TOM1L1: variants seen among roughly 807,000 people sequenced by gnomAD.
TOM1L1 encodes the protein TOM1-like protein 1.
In TOM1L1, 64 loss-of-function variants were observed where a neutral mutation model predicts 63.4. The observed-to-expected ratio is 1.01, with a 90% CI of 0.83 to 1.24. TOM1L1 has a LOEUF of 1.24. TOM1L1 is among the 50% of genes most tolerant of loss of function. TOM1L1 has a pLI of 0.00. For missense variants in TOM1L1, 536 were observed against 567.0 expected, an observed-to-expected ratio of 0.95 and a Z score of 0.55; for synonymous variants, 166 against 194.4, an observed-to-expected ratio of 0.85 and a Z score of 1.22.
intron 11 of TOM1L1, among the ~76,000 whole-genome samples, chr17:54,939,513 T>C (rs1175595419): frequency 1.3e-5 from 2 of 152,132 alleles, no homozygotes; most frequent in African/African-American, 4.8e-5. Flanking sequence ...TGGCAGGCAC[T>C]CAGTTAAGCT....
Position 54,949,490 on chromosome 17 carries a change from A to G in TOM1L1, c.1183-28A>G, listed in dbSNP as rs375792635. 7.2e-5 allele frequency: 112 copies of G among 1,546,996 alleles called. 1 individual carries two copies. The highest frequency in any genetic ancestry group is 9.6e-5 in the Non-Finnish European group (108 of 1,119,226). On this transcript the variant is annotated intron_variant, in intron 12 of 15. Coordinates refer to ENST00000575882, the MANE Select transcript of TOM1L1 (RefSeq NM_005486.3). ...AAGAAAAGCTTAATGTAGAACGTTT[A>G]TATGAACATGTGTTATGCTTTCTTC... is the stretch of plus-strand genomic sequence containing the variant.
chr17:54,956,134 A>G (rs957186921), intron 14 of TOM1L1, among the ~76,000 whole-genome samples: 1 of 152,214 alleles, frequency 6.6e-6, no homozygotes, highest in Non-Finnish European at 1.5e-5. Context: ...ACAACTCTCC[A>G]TGAGAACACA....
chr17:54,941,105 G>T (rs1417551800), intron 11 of TOM1L1, among the ~76,000 whole-genome samples: 1 of 151,834 alleles, frequency 6.6e-6, no homozygotes, highest in Non-Finnish European at 1.5e-5. Context: ...GTGTCTTTAG[G>T]CAAATAGGAA....
At chr17:54,952,143 A>C (rs568146879) in intron 14 of TOM1L1, 25 of 152,314 alleles carry the variant, frequency 1.6e-4, no homozygotes, top group African/African-American at 5.8e-4. Flanking sequence ...GAAGAGGTTA[A>C]AGATGCAGGG....
At chr17:54,901,011 G>C (rs934812537) in intron 1 of TOM1L1, 88 bp downstream of exon 1, 37 of 1,562,652 alleles carry the variant, frequency 2.4e-5, no homozygotes, top group Non-Finnish European at 3.1e-5. Context: ...GCAGAGGACG[G>C]AGTTAGTCCA....
At chr17:54,951,431 G>A (rs1355727333) in intron 14 of TOM1L1, among the ~76,000 whole-genome samples, 6 of 152,170 alleles carry the variant, frequency 3.9e-5, no homozygotes, top group Admixed American at 3.9e-4. Context: ...TATAGGGCAG[G>A]ACCCTCTCTA....
chr17:54,939,106 A>G, intron 11 of TOM1L1, 86 bp downstream of exon 11: 1 of 924,004 alleles, frequency 1.1e-6, no homozygotes, highest in Non-Finnish European at 1.6e-6. Flanking sequence ...GGGCGCAGTG[A>G]CTTACATCTG....
At chr17:54,938,427 G>C (rs1433461173) in intron 10 of TOM1L1, 2 of 151,314 alleles carry the variant, frequency 1.3e-5, no homozygotes, top group African/African-American at 2.4e-5. Flanking sequence ...TCAGGAGGTG[G>C]AGGTTGTGGT....
chr17:54,915,020 A>G (rs1425513426), intron 6 of TOM1L1, among the ~76,000 whole-genome samples: 1 of 152,124 alleles, frequency 6.6e-6, no homozygotes, highest in Admixed American at 6.5e-5. Context: ...TGTGGACTGG[A>G]TCTAGGGTCC....
At position 54,947,492 on chromosome 17, in the gene TOM1L1, T is replaced by C. The variant is rs74675541; in HGVS notation, c.1182+180T>C. On this transcript the variant is annotated intron_variant, in intron 12 of 15. Transcript: ENST00000575882. ...GTTTGTATTTGCTATCTCCACTTCC[T>C]TTCCTTGTATTCTCTTTGACTTCAG... is the stretch of plus-strand genomic sequence containing the variant. The C allele has an allele frequency of 7.1e-3, 4,481 of 632,466 alleles. 160 individuals are homozygous for C. The African/African-American group carries it at 0.073, about 10-fold the overall frequency. The allele number at this position is 632,466 out of a possible 1,614,324, so 39.2% of individuals were successfully genotyped here.
intron 3 of TOM1L1, among the ~76,000 whole-genome samples, chr17:54,909,334 CTG>C (rs1455050606): frequency 6.6e-6 from 1 of 152,204 alleles, no homozygotes; most frequent in Non-Finnish European, 1.5e-5. Context: ...AGTGAGAAGA[CTG>C]AGGCCTGTCC....
chr17:54,933,660 C>T (rs980412866), intron 8 of TOM1L1, among the ~76,000 whole-genome samples: 11 of 152,114 alleles, frequency 7.2e-5, no homozygotes, highest in South Asian at 2.1e-4. Context: ...GTAGCTGGGA[C>T]GACAAGCGTG....
chr17:54,945,583 T>TTTCTCTCTG (rs2049104937), intron 11 of TOM1L1, among the ~76,000 whole-genome samples: 1 of 152,226 alleles, frequency 6.6e-6, no homozygotes, highest in Admixed American at 6.5e-5. Flanking sequence ...CTTCTCTCTG[T>TTTCTCTCTG]TTAGATTGGA....
At position 54,960,631 on chromosome 17, in the gene TOM1L1, A is replaced by C. The variant is rs1758042668; in HGVS notation, c.*1+4A>C. ...GCTCAAAATGATGGTGACTGAGGTA[A>C]AGACTTCAACTTATACAACTTAATT... On this transcript the variant is annotated splice_donor_region_variant and intron_variant, in intron 15 of 15. Coordinates refer to ENST00000575882, the MANE Select transcript of TOM1L1 (RefSeq NM_005486.3). The C allele has an allele frequency of 6.2e-7, 1 of 1,601,140 alleles. No homozygotes were observed. The highest frequency in any genetic ancestry group is 8.6e-7 in the Non-Finnish European group (1 of 1,168,890).
chr17:54,960,564 A>G lies in TOM1L1; in HGVS notation c.1371-2A>G. 1 of 1,612,692 alleles carries G rather than the reference A, an allele frequency of 6.2e-7. No individual in the cohort carries two copies. Among genetic ancestry groups the G allele is most frequent in the Non-Finnish European group, 8.5e-7 (1 of 1,179,318 alleles). On this transcript the variant is annotated splice_acceptor_variant, in intron 14 of 15. Coordinates refer to ENST00000575882, the MANE Select transcript of TOM1L1 (RefSeq NM_005486.3). LOFTEE classifies it high-confidence loss of function. ...CCTTTTGCTGTGATGGCTTTGTTTC[A>G]GAGCTATTTATGAAGAAATTGATGC...
intron 3 of TOM1L1, 103 bp from the exon 4 acceptor site, chr17:54,912,563 A>G (rs1283482911): frequency 3.1e-6 from 3 of 963,400 alleles, no homozygotes; most frequent in Admixed American, 3.4e-5. Flanking sequence ...ATGTTTGTTA[A>G]TTAGGATGCT....
intron 11 of TOM1L1, among the ~76,000 whole-genome samples, chr17:54,941,780 ACT>A (rs1364286470): frequency 1.3e-5 from 2 of 152,164 alleles, no homozygotes; most frequent in East Asian, 1.9e-4. Flanking sequence ...GTCCCCAGAA[ACT>A]CTGATTCAGC....
chr17:54,951,194 A>T (rs1342591131), intron 14 of TOM1L1, among the ~76,000 whole-genome samples: 1 of 152,190 alleles, frequency 6.6e-6, no homozygotes, highest in East Asian at 1.9e-4. Context: ...GGAAATACTT[A>T]TATTTACTGG....
chr17:54,953,526 G>C (rs533764425), intron 14 of TOM1L1: 1 of 152,440 alleles, frequency 6.6e-6, no homozygotes, highest in South Asian at 2.1e-4. Flanking sequence ...CCTTGGGCTT[G>C]TCCTCCTCCT....
Sources: allele counts gnomAD v4.1 joint callset (sites outside exome capture counted in the v4.1 genomes callset), GRCh38; gene constraint gnomAD v4.1.1; transcripts MANE v1.5; gene names NCBI Gene and HGNC (gene_info 2026-07-23, HGNC 2026-07-21).